The following SHANK2 variants were observed in gnomAD, a reference collection of about 807,000 sequenced individuals.
SHANK2 encodes SH3 and multiple ankyrin repeat domains protein 2.
A neutral mutation model predicts 133.7 loss-of-function variants in SHANK2; 43 were observed. The ratio of observed to expected loss-of-function variants is 0.32; its 90% CI spans 0.25 to 0.41. SHANK2 has a LOEUF of 0.41. Ranked by LOEUF, SHANK2 falls within the 10% of genes least tolerant of loss-of-function variation. The pLI is 1.00. For missense variants in SHANK2, 1,994 were observed against 2,235.8 expected (o/e 0.89, Z 2.18); for synonymous variants, 1,017 against 952.8 (o/e 1.07, Z -1.24).
intron 11 of SHANK2, among the ~76,000 whole-genome samples, chr11:70,893,157 G>A (rs1949877829): frequency 6.6e-6 from 1 of 152,186 alleles, no homozygotes; most frequent in South Asian, 2.1e-4. Flanking sequence ...GTGAAGTGCT[G>A]GCCTGTAGTA....
Position 71,094,683 on chromosome 11 carries a change from G to C in SHANK2, c.598C>G (p.Pro200Ala), listed in dbSNP as rs193145237. Residue 200 changes from proline (P) to alanine (A), a missense_variant, in exon 7 of 26, where the codon CCC becomes GCC. By Grantham distance (27) the Pro-to-Ala change is conservative (BLOSUM62 -1). Transcript: ENST00000601538. ...NFHDPETGET[P>A]LTLAAQLDDS... ...TCCAGCTGAGCGGCTAAGGTCAGGG[G>C]GGTCTCTGAGGAACCCAAACACACA... is the stretch of plus-strand genomic sequence containing the variant. 1.9e-4 allele frequency: 297 copies of C among 1,551,560 alleles called. No individual in the cohort carries two copies. Among genetic ancestry groups the C allele is most frequent in the Non-Finnish European group, 4.0e-5 (46 of 1,146,766 alleles).
chr11:70,815,186 A>G (rs1474306351), intron 12 of SHANK2, among the ~76,000 whole-genome samples: 151 of 45,124 alleles, frequency 3.3e-3, no homozygotes, highest in African/African-American at 0.018. Context: ...ACACACACAC[A>G]CACACACACA....
intron 11 of SHANK2, among the ~76,000 whole-genome samples, chr11:70,887,779 A>T (rs1949769510): frequency 6.6e-6 from 1 of 152,120 alleles, no homozygotes; most frequent in South Asian, 2.1e-4. Flanking sequence ...AAGCACCAAC[A>T]TCCACCCCAC....
In SHANK2 at chr11:71,243,587, C is replaced by T. The variant is rs1954920627; in HGVS notation, c.-113+8838G>A. 3.9e-5 allele frequency among the ~76,000 whole-genome samples: 6 copies of T among 151,970 alleles called. No individual in the cohort carries two copies. In the South Asian group the frequency reaches 6.2e-4, roughly 16 times the overall value. ...GTGGGCGCCTGTAGTGCCAGCTACT[C>T]GGGAGGCTGAGTCAAGAGAATGGTG... On this transcript the variant is annotated intron_variant, in intron 1 of 25. Transcript: ENST00000601538.
intron 14 of SHANK2, among the ~76,000 whole-genome samples, chr11:70,781,558 T>TTATTTATATATATATATATATATATATA (rs71049941): frequency 1.7e-3 from 50 of 28,944 alleles, no homozygotes; most frequent in Non-Finnish European, 2.0e-3. Context: ...TACTTACTTA[T>TTATTTATATATATATATATATATATATA]TATATATATA....
chr11:70,775,418 T>C (rs1225695576), intron 14 of SHANK2, among the ~76,000 whole-genome samples: 2 of 152,168 alleles, frequency 1.3e-5, no homozygotes, highest in African/African-American at 4.8e-5. Flanking sequence ...ATGGTGCCAT[T>C]GTACTCCAGC....
intron 17 of SHANK2, among the ~76,000 whole-genome samples, chr11:70,514,221 A>C (rs1554969653): frequency 6.6e-6 from 1 of 152,238 alleles, no homozygotes. Context: ...CTTGTAGAAG[A>C]CGGCGGAACA....
chr11:70,568,874 C>A (rs2060006386), intron 17 of SHANK2, among the ~76,000 whole-genome samples: 1 of 152,134 alleles, frequency 6.6e-6, no homozygotes, highest in Non-Finnish European at 1.5e-5. Flanking sequence ...GGACTTGAGC[C>A]CTTGGCACCG....
chr11:70,502,731 GCCCGCCCCCAC>G, intron 18 of SHANK2, 54 bp downstream of exon 18: 1 of 700,462 alleles, frequency 1.4e-6, no homozygotes, highest in South Asian at 1.6e-5. Flanking sequence ...CAGCTGTCCT[GCCCGCCCCCAC>G]CCCCCCCCCC....
At chr11:71,253,066 C>T (rs1420941547), upstream of SHANK2, among the ~76,000 whole-genome samples, 2 of 152,202 alleles carry the variant, frequency 1.3e-5, no homozygotes, top group Non-Finnish European at 1.5e-5. Context: ...GCTGCCCAGG[C>T]CACCAGTTCT....
At chr11:70,556,393 TTC>T (rs1157375439) in intron 17 of SHANK2, among the ~76,000 whole-genome samples, 47 of 11,848 alleles carry the variant, frequency 4.0e-3, no homozygotes, top group South Asian at 0.014. Flanking sequence ...CTTTCTTTCT[TTC>T]TCTCTCTCTC....
At chr11:71,136,263 T>G (rs1555104772) in intron 3 of SHANK2, among the ~76,000 whole-genome samples, 1 of 151,686 alleles carries the variant, frequency 6.6e-6, no homozygotes, top group East Asian at 1.9e-4. Context: ...CCACCAAGAC[T>G]GGATCAAGGA....
chr11:70,593,053 C>G (rs1216461749), intron 17 of SHANK2, among the ~76,000 whole-genome samples: 1 of 152,226 alleles, frequency 6.6e-6, no homozygotes. Flanking sequence ...AAACTTCCCA[C>G]GTCTGTCTGG....
intron 14 of SHANK2, among the ~76,000 whole-genome samples, chr11:70,752,284 G>C (rs999186966): frequency 1.3e-5 from 2 of 151,866 alleles, no homozygotes; most frequent in Admixed American, 6.6e-5. Flanking sequence ...TAACAACATA[G>C]GGAGGTTAAA....
Position 70,624,901 on chromosome 11 carries a change from C to T in SHANK2, c.2061+34927G>A, listed in dbSNP as rs551385790. On this transcript the variant is annotated intron_variant, in intron 17 of 25. Transcript: ENST00000601538. Reference sequence around the variant, plus strand: ...ATCGGCTCCCTCACCTGGTGGCCTGCGGGGGGTGTCCCAAGGGTTCTCACC... The same window carrying T: ...ATCGGCTCCCTCACCTGGTGGCCTGTGGGGGGTGTCCCAAGGGTTCTCACC... Among the ~76,000 whole-genome samples the T allele has an allele frequency of 2.6e-5, 4 of 152,270 alleles. No homozygotes were observed. In the South Asian group the frequency reaches 6.2e-4, roughly 24 times the overall value.
At chr11:70,579,830 G>A (rs566252139) in intron 17 of SHANK2, among the ~76,000 whole-genome samples, 4 of 152,360 alleles carry the variant, frequency 2.6e-5, no homozygotes, top group Admixed American at 6.5e-5. Flanking sequence ...AGGAGGAGCC[G>A]GGAGGAGCAG....
chr11:70,532,400 G>A (rs982584117), intron 17 of SHANK2, among the ~76,000 whole-genome samples: 3 of 152,158 alleles, frequency 2.0e-5, no homozygotes, highest in African/African-American at 7.2e-5. Flanking sequence ...AGAGTGGGGG[G>A]CCTTCTCACA....
At position 70,479,524 on chromosome 11, in the gene SHANK2, C is replaced by A. The variant is rs148427229; in HGVS notation, c.4979+5790G>T. Among the ~76,000 whole-genome samples, 24 of 152,346 alleles carry A rather than the reference C, an allele frequency of 1.6e-4. No homozygotes were observed. Among genetic ancestry groups the A allele is most frequent in the African/African-American group, 5.5e-4 (23 of 41,592 alleles). On this transcript the variant is annotated intron_variant, in intron 25 of 25. Transcript: ENST00000601538. The surrounding 1 kb of genome is among the most constrained non-coding windows in gnomAD (Gnocchi z 4.4). ...GGACCTGGAGTTTCACAGGACAAAT[C>A]TCCCTGAAGCCCATCCATCCCATGG...
At chr11:70,661,474 TG>T in intron 16 of SHANK2, 121 bp downstream of exon 16, 1 of 1,055,188 alleles carries the variant, frequency 9.5e-7, no homozygotes, top group South Asian at 1.4e-5. Flanking sequence ...ATTCCTGAGC[TG>T]GGGAACGTTT....
Sources: allele counts gnomAD v4.1 joint callset (sites outside exome capture counted in the v4.1 genomes callset), GRCh38; gene constraint gnomAD v4.1.1; non-coding constraint Gnocchi (gnomAD v3.1); transcripts MANE v1.5; gene names NCBI Gene and HGNC (gene_info 2026-07-23, HGNC 2026-07-21).